The following PIBF1 variants were observed in gnomAD, a reference collection of about 807,000 sequenced individuals.
PIBF1 encodes progesterone-induced-blocking factor 1.
A neutral mutation model predicts 112.5 loss-of-function variants in PIBF1; 90 were observed. The ratio of observed to expected loss-of-function variants is 0.80; its 90% CI spans 0.67 to 0.95. The LOEUF (loss-of-function observed/expected upper bound fraction) is 0.95, where lower values mean the gene tolerates loss of function less well. Ranked by LOEUF, PIBF1 falls within the 40% of genes least tolerant of loss-of-function variation. PIBF1 has a pLI of 0.00. For missense variants in PIBF1, 915 were observed against 852.3 expected (o/e 1.07, Z -0.92); for synonymous variants, 301 against 288.6 (o/e 1.04, Z -0.44).
chr13:72,925,139 T>C (rs939053647), intron 13 of PIBF1, among the ~76,000 whole-genome samples: 6 of 152,212 alleles, frequency 3.9e-5, no homozygotes, highest in African/African-American at 1.4e-4. Flanking sequence ...AAACTAACCA[T>C]GAAGGTCAGA....
intron 10 of PIBF1, among the ~76,000 whole-genome samples, chr13:72,880,395 T>C (rs1368461914): frequency 6.6e-6 from 1 of 152,236 alleles, no homozygotes; most frequent in Non-Finnish European, 1.5e-5. Context: ...TCACCTGTTA[T>C]TTTTCTTATG....
intron 12 of PIBF1, among the ~76,000 whole-genome samples, chr13:72,910,003 C>T (rs754732473): frequency 4.6e-5 from 7 of 152,050 alleles, no homozygotes; most frequent in Non-Finnish European, 1.0e-4. Context: ...AGTCAGATAA[C>T]CATGGCATTC....
chr13:72,927,695 C>A (rs1308862674), intron 13 of PIBF1, among the ~76,000 whole-genome samples: 1 of 151,522 alleles, frequency 6.6e-6, no homozygotes, highest in African/African-American at 2.4e-5. Context: ...TGATGAAAAA[C>A]AGTTATATTT....
rs562505118 is a variant in PIBF1 at position 72,975,121 on chromosome 13, T to C, written c.2049+1446T>C. Among the ~76,000 whole-genome samples, 598 of 151,360 alleles carry C rather than the reference T, an allele frequency of 4.0e-3. 9 individuals carry two copies. Among genetic ancestry groups the C allele is most frequent in the African/African-American group, 0.014 (581 of 41,164 alleles). ...CCCAGGCTGGAGTGCAGTGGCATGA[T>C]CTCGGCTCACGGCAACCTCTGCCTT... On this transcript the variant is annotated intron_variant, in intron 16 of 17. Coordinates refer to ENST00000326291, the MANE Select transcript of PIBF1 (RefSeq NM_006346.4).
In PIBF1 at chr13:72,782,346, C is replaced by G. The variant is rs145639527; in HGVS notation, c.-51C>G. 1.5e-4 allele frequency: 23 copies of G among 153,340 alleles called. No homozygotes were observed. Among genetic ancestry groups the G allele is most frequent in the African/African-American group, 5.5e-4 (23 of 41,590 alleles). The allele number at this position is 153,340 out of a possible 1,614,324, so 9.5% of individuals were successfully genotyped here. On this transcript the variant is annotated 5_prime_UTR_variant, in exon 1 of 18. Coordinates refer to ENST00000326291, the MANE Select transcript of PIBF1 (RefSeq NM_006346.4). ...TTCAGTGTGGAGTAATTGACACTTT[C>G]GAGGTAACTTGCGACTATCATCGCT...
intron 10 of PIBF1, among the ~76,000 whole-genome samples, chr13:72,886,290 A>G (rs1407320153): frequency 1.3e-5 from 2 of 151,932 alleles, no homozygotes; most frequent in East Asian, 1.9e-4. Flanking sequence ...GCTGCATGAA[A>G]TAGAGTTTTG....
In PIBF1 at chr13:72,910,475, A is replaced by G. The variant is rs190568609; in HGVS notation, c.1639+1794A>G. On this transcript the variant is annotated intron_variant, in intron 12 of 17. Coordinates refer to ENST00000326291, the MANE Select transcript of PIBF1 (RefSeq NM_006346.4). ...CCCTTTGTCTAAACAAATTAGGAATAGAAGGGAACTTCCTCGATCTGAAAA... is the reference window on the plus strand; with the variant it reads ...CCCTTTGTCTAAACAAATTAGGAATGGAAGGGAACTTCCTCGATCTGAAAA... Among the ~76,000 whole-genome samples the G allele has an allele frequency of 2.7e-3, 406 of 152,338 alleles. 4 individuals carry two copies. Among genetic ancestry groups the G allele is most frequent in the Middle Eastern group, 0.014 (4 of 294 alleles).
chr13:72,910,493 T>G (rs1413014715), intron 12 of PIBF1, among the ~76,000 whole-genome samples: 1 of 152,174 alleles, frequency 6.6e-6, no homozygotes, highest in Non-Finnish European at 1.5e-5. Flanking sequence ...ACTTCCTCGA[T>G]CTGAAAAAGG....
rs549959961 is a variant in PIBF1 at position 72,904,504 on chromosome 13, C to T, written c.1489-4027C>T. Among the ~76,000 whole-genome samples the T allele has an allele frequency of 4.8e-3, 594 of 122,844 alleles. 1 individual carries two copies. Among genetic ancestry groups the T allele is most frequent in the Non-Finnish European group, 7.7e-3 (487 of 63,030 alleles). The allele number at this position is 122,844 out of a possible 152,430, so 80.6% of individuals were successfully genotyped here. A position where few individuals can be genotyped will look rare whatever the true frequency, so the allele number is the denominator to read the frequency against. On this transcript the variant is annotated intron_variant, in intron 11 of 17. Coordinates refer to ENST00000326291, the MANE Select transcript of PIBF1 (RefSeq NM_006346.4). The stretch of plus-strand genomic sequence containing the variant: ...CACCCTGGCTGGAGTGCAGTGGCAC[C>T]GTCTCGGCTCACTACAACCTCCACC...
At chr13:72,932,078 A>G (rs2041727834) in intron 14 of PIBF1, among the ~76,000 whole-genome samples, 1 of 151,362 alleles carries the variant, frequency 6.6e-6, no homozygotes, top group African/African-American at 2.4e-5. Context: ...AGTAGCTGGA[A>G]CTGTAGCTAC....
chr13:72,894,772 A>ATATAGT (rs1491462402), intron 11 of PIBF1, among the ~76,000 whole-genome samples: 46 of 137,198 alleles, frequency 3.4e-4, no homozygotes, highest in African/African-American at 9.1e-4. Context: ...ATATATATAT[A>ATATAGT]GTGTGTGTGT....
intron 8 of PIBF1, among the ~76,000 whole-genome samples, chr13:72,832,072 CTTTTTTTTTTTTTTTTT>C (rs754794968): frequency 7.0e-5 from 3 of 42,866 alleles, no homozygotes; most frequent in Admixed American, 3.5e-4. Context: ...CAATTCCGGC[CTTTTTTTTTTTTTTTTT>C]TTTTTTTTTT....
In PIBF1 at chr13:72,994,325, A is replaced by G. The variant is rs369122253; in HGVS notation, c.2050-4497A>G. On this transcript the variant is annotated intron_variant, in intron 16 of 17. Coordinates refer to ENST00000326291, the MANE Select transcript of PIBF1 (RefSeq NM_006346.4). ...TTAGGTAATAAGGAAAAAGGCGTAC[A>G]TTGTTTCTATCAATGAGAAAACAAA... Among the ~76,000 whole-genome samples, 10 of 152,216 alleles carry G rather than the reference A, an allele frequency of 6.6e-5. No individual in the cohort carries two copies. In the East Asian group the frequency reaches 1.9e-3, roughly 29 times the overall value.
chr13:72,827,880 A>G lies in PIBF1; in HGVS notation c.1063A>G (p.Arg355Gly), dbSNP rs1385565980. 3 of 1,593,266 alleles carry G rather than the reference A, an allele frequency of 1.9e-6. No homozygotes were observed. Among genetic ancestry groups the G allele is most frequent in the East Asian group, 2.3e-5 (1 of 44,224 alleles). Residue 355 changes from arginine (R) to glycine (G), a missense_variant, in exon 8 of 18, where the codon AGA (arginine) becomes GGA (glycine). Transcript: ENST00000326291. ...QAQLEESKKA[R>G]EEMYEKYVAS... The stretch of plus-strand genomic sequence containing the variant: ...TCAACTGGAAGAAAGCAAAAAGGCT[A>G]GAGAAGAGATGTATGAAAAATATGT...
Position 72,854,149 on chromosome 13 carries a change from TAGAC to T in PIBF1, c.1319_1322del (p.Asp440GlyfsTer13), listed in dbSNP as rs1260632908. ...GCTTTAGAAAAACACGATCAGCTCT[TAGAC>T]AGGTAAGCATCATAAAAATAGAAAT... On this transcript the variant is annotated frameshift_variant and splice_region_variant, in exon 10 of 18. Coordinates refer to ENST00000326291, the MANE Select transcript of PIBF1 (RefSeq NM_006346.4). LOFTEE classifies it high-confidence loss of function. 1.3e-6 allele frequency: 2 copies of T among 1,593,142 alleles called. No homozygotes were observed. The highest frequency in any genetic ancestry group is 8.6e-7 in the Non-Finnish European group (1 of 1,160,910).
intron 8 of PIBF1, among the ~76,000 whole-genome samples, chr13:72,833,874 G>T (rs1377210219): frequency 1.3e-5 from 2 of 152,168 alleles, no homozygotes; most frequent in East Asian, 3.9e-4. Context: ...CAGGTGCTCT[G>T]TCCCAGGGAG....
chr13:72,911,827 C>G (rs1433833803), intron 12 of PIBF1, among the ~76,000 whole-genome samples: 2 of 152,024 alleles, frequency 1.3e-5, no homozygotes, highest in Non-Finnish European at 1.5e-5. Context: ...GAAAAACATC[C>G]TTCTAGAGAT....
At chr13:72,815,219 C>A (rs1025726384) in intron 5 of PIBF1, among the ~76,000 whole-genome samples, 7 of 152,144 alleles carry the variant, frequency 4.6e-5, no homozygotes, top group Non-Finnish European at 4.4e-5. Flanking sequence ...ACCATTGTAT[C>A]AAAAGAATAA....
intron 16 of PIBF1, among the ~76,000 whole-genome samples, chr13:72,992,865 A>T (rs1255791341): frequency 6.6e-6 from 1 of 152,138 alleles, no homozygotes; most frequent in Non-Finnish European, 1.5e-5. Flanking sequence ...CTTTATTCAT[A>T]AATGGGATCA....
Sources: allele counts gnomAD v4.1 joint callset (sites outside exome capture counted in the v4.1 genomes callset), GRCh38; gene constraint gnomAD v4.1.1; transcripts MANE v1.5; gene names NCBI Gene and HGNC (gene_info 2026-07-23, HGNC 2026-07-21).